MYOM3: variants seen among roughly 807,000 people sequenced by gnomAD.
MYOM3 encodes the protein myomesin 3.
Under a neutral mutation model 191.7 loss-of-function variants are expected in MYOM3, and 155 were observed. The observed-to-expected ratio is 0.81, with a 90% CI of 0.71 to 0.92. MYOM3 has a LOEUF of 0.92. Among genes scored for constraint, MYOM3 ranks in the 40% least tolerant of loss-of-function variants. The probability of loss-of-function intolerance (pLI) is 0.00; values close to 1 mark genes in which losing one functional copy is unlikely to be tolerated. For synonymous variants in MYOM3, 757 were observed against 762.9 expected, an observed-to-expected ratio of 0.99 and a Z score of 0.13; for missense variants, 1,889 against 1,890.6, an observed-to-expected ratio of 1.00 and a Z score of 0.02.
chr1:24,094,781 C>T (rs996414284), intron 9 of MYOM3, 72 bp downstream of exon 9: 32 of 1,454,292 alleles, frequency 2.2e-5, no homozygotes, highest in Non-Finnish European at 2.9e-5. Flanking sequence ...CGCTAGGGGT[C>T]CTCTCTGGCT....
chr1:24,078,218 G>T (rs1643624909), intron 20 of MYOM3, among the ~76,000 whole-genome samples: 1 of 151,728 alleles, frequency 6.6e-6, no homozygotes, highest in South Asian at 2.1e-4. Context: ...AGGTTCAGGT[G>T]ATTCTCCTGC....
chr1:24,074,263 C>T lies in MYOM3; in HGVS notation c.2865G>A (p.Lys955=), dbSNP rs762933805. ...CGAGGCCGGGTTCTTTCAGGATGAC[C>T]TTGGACCTGGCAGAGAGAGGAGAGC... is the stretch of plus-strand genomic sequence containing the variant. ...VKIEDKVNKS[K]VILKEPGLED... is the part of the protein sequence containing the mutation. Residue 955 remains lysine, a synonymous_variant, in exon 23 of 37, where the codon AAG becomes AAA. Transcript: ENST00000374434. 4 of 1,613,574 alleles carry T rather than the reference C, an allele frequency of 2.5e-6. No individual in the cohort carries two copies. The East Asian group carries it at 8.9e-5, about 36-fold the overall frequency.
chr1:24,065,046 G>A (rs1643417118), intron 29 of MYOM3, among the ~76,000 whole-genome samples: 1 of 152,178 alleles, frequency 6.6e-6, no homozygotes, highest in South Asian at 2.1e-4. Context: ...CAGCTGCTGT[G>A]GGGATCAAGG....
intron 14 of MYOM3, among the ~76,000 whole-genome samples, chr1:24,088,338 T>G (rs1472470435): frequency 6.6e-6 from 1 of 152,192 alleles, no homozygotes; most frequent in African/African-American, 2.4e-5. Flanking sequence ...TCCTACTGTG[T>G]GCCAGGCTCC....
At chr1:24,072,970 T>C (rs1643550136) in intron 23 of MYOM3, among the ~76,000 whole-genome samples, 1 of 152,162 alleles carries the variant, frequency 6.6e-6, no homozygotes, top group Non-Finnish European at 1.5e-5. Context: ...TGCCTCATTT[T>C]CCCTAGTAAG....
At chr1:24,097,098 T>C (rs554024713) in intron 7 of MYOM3, among the ~76,000 whole-genome samples, 2 of 152,302 alleles carry the variant, frequency 1.3e-5, no homozygotes, top group Admixed American at 6.5e-5. Flanking sequence ...CAGATGCCCA[T>C]GGGGTGACCT....
rs1235244889 is a variant in MYOM3 at position 24,096,924 on chromosome 1, A to T, written c.745+999T>A. Among the ~76,000 whole-genome samples the T allele has an allele frequency of 2.0e-5, 3 of 152,180 alleles. No homozygotes were observed. The East Asian group carries it at 5.8e-4, about 29-fold the overall frequency. On this transcript the variant is annotated intron_variant, in intron 7 of 36. Transcript: ENST00000374434. Reference sequence around the variant, plus strand: ...CATTTAATCAACTCGGGCATCTGAGAGAGGTGGTAGGATTGTAGGATTCTC... The same window carrying T: ...CATTTAATCAACTCGGGCATCTGAGTGAGGTGGTAGGATTGTAGGATTCTC...
rs199670716 is a variant in MYOM3 at position 24,090,984 on chromosome 1, C to T, written c.1245G>A (p.Glu415=). 2,012 of 1,613,868 alleles carry T rather than the reference C, an allele frequency of 1.2e-3. 4 individuals are homozygous for T. The highest frequency in any genetic ancestry group is 1.7e-3 in the Non-Finnish European group (1,951 of 1,179,994). ...TAYTIERCQG[E]SGEWIACHEA... is the part of the protein sequence containing the mutation. Reference sequence around the variant, plus strand: ...CATGGCAGGCGATCCATTCCCCAGACTCGCCCTGGCACCTGTTGGAGACAG... The same window carrying T: ...CATGGCAGGCGATCCATTCCCCAGATTCGCCCTGGCACCTGTTGGAGACAG... The change falls in exon 12 of 37, where the codon GAG becomes GAA. Residue 415 remains glutamate (E), a synonymous_variant. Coordinates refer to ENST00000374434, the MANE Select transcript of MYOM3 (RefSeq NM_152372.4).
chr1:24,084,718 G>A lies in MYOM3; in HGVS notation c.1799-79C>T, dbSNP rs182095953. On this transcript the variant is annotated intron_variant, in intron 15 of 36. Coordinates refer to ENST00000374434, the MANE Select transcript of MYOM3 (RefSeq NM_152372.4). Reference sequence around the variant, plus strand: ...AGGCTGGGGAAGGGGAGGAGCATGGGGAGAGGCCAGAAGGAGCTCCCACAG... The same window carrying A: ...AGGCTGGGGAAGGGGAGGAGCATGGAGAGAGGCCAGAAGGAGCTCCCACAG... The A allele has an allele frequency of 1.3e-3, 1,788 of 1,347,544 alleles. 9 individuals are homozygous for A. Among genetic ancestry groups the A allele is most frequent in the Admixed American group, 1.5e-3 (73 of 48,556 alleles). 83.5% of individuals were successfully genotyped at this position (1,347,544 alleles called of 1,614,324 possible). A position where few individuals can be genotyped will look rare whatever the true frequency, so the allele number is the denominator to read the frequency against.
At position 24,071,148 on chromosome 1, in the gene MYOM3, A is replaced by T; in HGVS notation, c.3119T>A (p.Ile1040Asn). 6.2e-7 allele frequency: 1 copy of T among 1,614,134 alleles called. No individual in the cohort carries two copies. Among genetic ancestry groups the T allele is most frequent in the Non-Finnish European group, 8.5e-7 (1 of 1,180,004 alleles). The change falls in exon 25 of 37, where the codon ATC becomes AAC. Residue 1040 changes from isoleucine (I) to asparagine (N), a missense_variant. By Grantham distance (149) the Ile-to-Asn change is moderately radical (BLOSUM62 -3). Coordinates refer to ENST00000374434, the MANE Select transcript of MYOM3 (RefSeq NM_152372.4). Reference sequence around the variant, plus strand: ...GCTGAAGATCTCCTTGTTGTTGAAGATTAGATGTAGCTCAGCGGCTGGAGA... The same window carrying T: ...GCTGAAGATCTCCTTGTTGTTGAAGTTTAGATGTAGCTCAGCGGCTGGAGA... ...KLSPAAELHLIFNNKEIFSSP... is the reference protein window; with the variant it reads ...KLSPAAELHLNFNNKEIFSSP...
rs1463512453 is a variant in MYOM3 at position 24,090,891 on chromosome 1, C to A, written c.1338G>T (p.Arg446=). The A allele has an allele frequency of 1.2e-6, 2 of 1,613,948 alleles. No homozygotes were observed. Residue 446 remains arginine (R), a synonymous_variant, in exon 12 of 37, where the codon CGG becomes CGT. Coordinates refer to ENST00000374434, the MANE Select transcript of MYOM3 (RefSeq NM_152372.4). ...TGCCTACCCTGCTGATGGCTCTCACCCGGAACCGATAGCTCTGACCTTCGA... is the reference window on the plus strand; with the variant it reads ...TGCCTACCCTGCTGATGGCTCTCACACGGAACCGATAGCTCTGACCTTCGA... ...GLVEGQSYRF[R]VRAISRVGSS...
chr1:24,067,922 C>A (rs1643473298), intron 27 of MYOM3, 48 bp downstream of exon 27: 1 of 1,585,930 alleles, frequency 6.3e-7, no homozygotes, highest in Non-Finnish European at 8.7e-7. Context: ...GCATCTCTAG[C>A]ACGAACCAGT....
At chr1:24,076,973 C>G (rs571544792) in intron 20 of MYOM3, among the ~76,000 whole-genome samples, 20 of 152,302 alleles carry the variant, frequency 1.3e-4, no homozygotes, top group African/African-American at 4.8e-4. Context: ...AGGCACCCAC[C>G]ACCATGCCCG....
chr1:24,090,851 T>C lies in MYOM3; in HGVS notation c.1378A>G (p.Lys460Glu), dbSNP rs1233454560. The C allele has an allele frequency of 1.2e-6, 2 of 1,614,104 alleles. No homozygotes were observed. Among genetic ancestry groups the C allele is most frequent in the Admixed American group, 1.7e-5 (1 of 60,014 alleles). The change falls in exon 12 of 37, where the codon AAG becomes GAG. Residue 460 changes from lysine to glutamate, a missense_variant. Transcript: ENST00000374434. Reference sequence around the variant, plus strand: ...CCCATGACAACCAACTCTGAGGCCTTGGAGGGGACGCTGCTGCCTACCCTG... The same window carrying C: ...CCCATGACAACCAACTCTGAGGCCTCGGAGGGGACGCTGCTGCCTACCCTG... Reference protein sequence around the residue: ...ISRVGSSVPSKASELVVMGDH... With the variant: ...ISRVGSSVPSEASELVVMGDH...
chr1:24,082,014 G>T lies in MYOM3; in HGVS notation c.2267C>A (p.Thr756Asn). The T allele has an allele frequency of 6.2e-7, 1 of 1,610,552 alleles. No homozygotes were observed. The highest frequency in any genetic ancestry group is 8.5e-7 in the Non-Finnish European group (1 of 1,179,170). The change falls in exon 18 of 37, where the codon ACC becomes AAC. Residue 756 changes from threonine to asparagine, a missense_variant. Thr to Asn is a moderately conservative substitution (Grantham distance 65, BLOSUM62 0). Transcript: ENST00000374434. ...TTCCAGCCCTACCTTGCAGACCCGG[G>T]TGGGGATGGGCTGCTGATTGACCGC... ...WHAVNQQPIP[T>N]RVCKVSDLHE...
chr1:24,102,732 G>A (rs947763575), intron 5 of MYOM3, among the ~76,000 whole-genome samples: 6 of 152,130 alleles, frequency 3.9e-5, no homozygotes, highest in African/African-American at 1.4e-4. Context: ...TGTGGTCCCA[G>A]CTACTTGGGA....
At chr1:24,068,164 C>T in intron 26 of MYOM3, 59 bp downstream of exon 26, 1 of 1,571,942 alleles carries the variant, frequency 6.4e-7, no homozygotes, top group Non-Finnish European at 8.7e-7. Flanking sequence ...GCAGGGCAGG[C>T]CAGGTGTGCG....
At chr1:24,082,933 C>T (rs1302696385) in intron 16 of MYOM3, 1 of 463,582 alleles carries the variant, frequency 2.2e-6, no homozygotes, top group African/African-American at 2.0e-5. Flanking sequence ...GTTTGCTTTT[C>T]CAGATCCACC....
chr1:24,066,767 C>G, intron 28 of MYOM3: 1 of 496,854 alleles, frequency 2.0e-6, no homozygotes, highest in South Asian at 3.6e-5. Context: ...CCCCTCAGAA[C>G]CCCTTCTGGA....
Sources: gnomAD v4.1 joint callset for allele counts (sites outside exome capture counted in the v4.1 genomes callset) on GRCh38, gnomAD v4.1.1 for gene constraint, MANE v1.5 for transcripts, NCBI Gene and HGNC (gene_info 2026-07-23, HGNC 2026-07-21) for gene names.